The following ASPHD2 variants were observed in gnomAD, a reference collection of about 807,000 sequenced individuals.
ASPHD2 encodes aspartate beta-hydroxylase domain containing 2.
A neutral mutation model predicts 34.6 loss-of-function variants in ASPHD2; 12 were observed. The observed-to-expected ratio is 0.35, with a 90% CI of 0.22 to 0.56. The LOEUF (loss-of-function observed/expected upper bound fraction) is 0.56. ASPHD2 is among the 20% of genes least tolerant of loss of function. The probability of loss-of-function intolerance (pLI) is 0.87; values close to 1 mark genes in which losing one functional copy is unlikely to be tolerated. For missense variants in ASPHD2, 375 were observed against 505.0 expected, an observed-to-expected ratio of 0.74 and a Z score of 2.47; for synonymous variants, 224 against 212.2, an observed-to-expected ratio of 1.06 and a Z score of -0.48.
chr22:26,443,637 A>AT lies in ASPHD2; in HGVS notation c.*431_*432insT. The AT allele has an allele frequency of 6.6e-6, 1 of 151,714 alleles. No homozygotes were observed. Among genetic ancestry groups the AT allele is most frequent in the South Asian group, 2.1e-4 (1 of 4,800 alleles). 9.4% of individuals were successfully genotyped at this position (151,714 alleles called of 1,614,324 possible). ...GTCATCTTAAAAAAAAAAAAAAAAA[A>AT]CTAAAAACTGCAAACCAGAGAGCTA... On this transcript the variant is annotated 3_prime_UTR_variant, in exon 4 of 4. Coordinates refer to ENST00000215906, the MANE Select transcript of ASPHD2 (RefSeq NM_020437.5).
chr22:26,442,910 C>T (rs892871542), intron 3 of ASPHD2, among the ~76,000 whole-genome samples, 187 bp from the exon 4 acceptor site: 2 of 152,094 alleles, frequency 1.3e-5, no homozygotes, highest in African/African-American at 4.8e-5. Context: ...TTTTGTCCAC[C>T]CTGCTCAGAA....
intron 2 of ASPHD2, among the ~76,000 whole-genome samples, chr22:26,437,461 AC>A (rs1031705403): frequency 6.6e-6 from 1 of 152,126 alleles, no homozygotes; most frequent in African/African-American, 2.4e-5. Context: ...TTCATATGGG[AC>A]CACAGGACAG....
At chr22:26,440,278 G>C (rs59012367) in intron 2 of ASPHD2, among the ~76,000 whole-genome samples, 1 of 151,968 alleles carries the variant, frequency 6.6e-6, no homozygotes, top group South Asian at 2.1e-4. Flanking sequence ...CCACTGGCCG[G>C]TTGAAGCATA....
At chr22:26,432,598 T>G (rs1227666813) in intron 1 of ASPHD2, among the ~76,000 whole-genome samples, 1 of 152,206 alleles carries the variant, frequency 6.6e-6, no homozygotes, top group African/African-American at 2.4e-5. Flanking sequence ...AACCCCCAGC[T>G]AGGTAAGTGG....
In ASPHD2 at chr22:26,443,409, GA is replaced by G; in HGVS notation, c.*204del. Reference sequence around the variant, plus strand: ...AAACTTTTCGGCTTGTATTTCCTTAGATTTTTTTTTTTTCCTTCCAATCATT... The same window carrying G: ...AAACTTTTCGGCTTGTATTTCCTTAGTTTTTTTTTTTTCCTTCCAATCATT... On this transcript the variant is annotated 3_prime_UTR_variant, in exon 4 of 4. Coordinates refer to ENST00000215906, the MANE Select transcript of ASPHD2 (RefSeq NM_020437.5). 1 of 527,720 alleles carries G rather than the reference GA, an allele frequency of 1.9e-6. No homozygotes were observed. Among genetic ancestry groups the G allele is most frequent in the South Asian group, 2.2e-5 (1 of 44,628 alleles). The allele number at this position is 527,720 out of a possible 1,614,324, so 32.7% of individuals were successfully genotyped here. A position where few individuals can be genotyped will look rare whatever the true frequency, so the allele number is the denominator to read the frequency against.
intron 2 of ASPHD2, among the ~76,000 whole-genome samples, chr22:26,438,634 CATATATATATACACATACAT>C (rs1385947653): frequency 3.6e-5 from 3 of 83,400 alleles, no homozygotes; most frequent in East Asian, 2.5e-4. Context: ...CATATATATA[CATATATATATACACATACAT>C]ATATATATAT....
chr22:26,429,917 C>T lies in ASPHD2; in HGVS notation c.-225+431C>T, dbSNP rs2084746494. ...TTATGAGGCGCCATAAACCTCCTTC[C>T]ACAATCTTGAGCTGATCGTCCACTT... On this transcript the variant is annotated intron_variant, in intron 1 of 3. Coordinates refer to ENST00000215906, the MANE Select transcript of ASPHD2 (RefSeq NM_020437.5). This position sits in a 1 kb window ranked among gnomAD's most constrained non-coding sequence, Gnocchi z 4.5. Among the ~76,000 whole-genome samples, 1 of 152,130 alleles carries T rather than the reference C, an allele frequency of 6.6e-6. No individual in the cohort carries two copies. Among genetic ancestry groups the T allele is most frequent in the African/African-American group, 2.4e-5 (1 of 41,434 alleles).
chr22:26,438,422 C>A (rs553932968), intron 2 of ASPHD2, among the ~76,000 whole-genome samples: 5 of 150,874 alleles, frequency 3.3e-5, no homozygotes, highest in African/African-American at 1.2e-4. Context: ...TATATATACA[C>A]ACAGATATAT....
At chr22:26,438,518 T>TAC (rs1555883295) in intron 2 of ASPHD2, among the ~76,000 whole-genome samples, 7 of 104,664 alleles carry the variant, frequency 6.7e-5, no homozygotes, top group African/African-American at 1.3e-4. Context: ...TATACATACA[T>TAC]ATATATACAT....
chr22:26,438,466 CACACATATAT>C, intron 2 of ASPHD2, among the ~76,000 whole-genome samples: 1 of 66,736 alleles, frequency 1.5e-5, no homozygotes, highest in South Asian at 7.9e-4. Flanking sequence ...TATATACACA[CACACATATAT>C]ATACATATAT....
At chr22:26,438,510 T>TACATACATAC (rs2084809543) in intron 2 of ASPHD2, among the ~76,000 whole-genome samples, 1 of 96,148 alleles carries the variant, frequency 1.0e-5, no homozygotes, top group Non-Finnish European at 2.2e-5. Flanking sequence ...TACATATATA[T>TACATACATAC]ACATACATAT....
intron 2 of ASPHD2, among the ~76,000 whole-genome samples, chr22:26,436,333 G>A (rs985822606): frequency 3.3e-5 from 5 of 152,230 alleles, no homozygotes; most frequent in African/African-American, 1.2e-4. Flanking sequence ...TGGACAGTAA[G>A]CTAATCTAAG....
intron 2 of ASPHD2, among the ~76,000 whole-genome samples, chr22:26,438,664 T>TACATACATATATATATATAC (rs2084816830): frequency 5.3e-5 from 6 of 113,730 alleles, no homozygotes; most frequent in African/African-American, 9.7e-5. Context: ...TATATATATA[T>TACATACATATATATATATAC]ACACATACAT....
Position 26,443,354 on chromosome 22 carries a change from G to T in ASPHD2, c.*148G>T. ...TATTTGGGATTTTATATCATGTCGG[G>T]TCCCTCTTTCCCTTGGTTATTGTAA... On this transcript the variant is annotated 3_prime_UTR_variant, in exon 4 of 4. Coordinates refer to ENST00000215906, the MANE Select transcript of ASPHD2 (RefSeq NM_020437.5). 1.6e-6 allele frequency: 1 copy of T among 639,350 alleles called. No homozygotes were observed. The highest frequency in any genetic ancestry group is 1.9e-5 in the South Asian group (1 of 52,256). 39.6% of individuals were successfully genotyped at this position (639,350 alleles called of 1,614,324 possible). A position where few individuals can be genotyped will look rare whatever the true frequency, so the allele number is the denominator to read the frequency against.
At position 26,442,105 on chromosome 22, in the gene ASPHD2, C is replaced by CAA. The variant is rs61233112; in HGVS notation, c.887-336_887-335dup. On this transcript the variant is annotated intron_variant, in intron 2 of 3. Transcript: ENST00000215906. ...TGGGCAACAGAGAGAGACTCCATTT[C>CAA]AAAAAAAAAAAAAAAAAAAGGGAAA... 4.8e-4 allele frequency among the ~76,000 whole-genome samples: 47 copies of CAA among 98,150 alleles called. No homozygotes were observed. The East Asian group carries it at 5.1e-3, about 11-fold the overall frequency. 64.4% of individuals were successfully genotyped at this position (98,150 alleles called of 152,430 possible). A position where few individuals can be genotyped will look rare whatever the true frequency, so the allele number is the denominator to read the frequency against.
At position 26,435,742 on chromosome 22, in the gene ASPHD2, AAAG is replaced by A. The variant is rs1235691101; in HGVS notation, c.886+1244_886+1246del. On this transcript the variant is annotated intron_variant, in intron 2 of 3. Transcript: ENST00000215906. ...AAAGAAAAGAAAAGAAAAGAAAAGA[AAAG>A]AAAAGAAAAGAAAAGAAAAATATAA... 4.0e-5 allele frequency among the ~76,000 whole-genome samples: 6 copies of A among 151,378 alleles called. No homozygotes were observed. In the South Asian group the frequency reaches 6.5e-4, roughly 16 times the overall value.
At chr22:26,430,036 C>G (rs1282903051) in intron 1 of ASPHD2, among the ~76,000 whole-genome samples, 1 of 152,212 alleles carries the variant, frequency 6.6e-6, no homozygotes, top group Non-Finnish European at 1.5e-5. Flanking sequence ...TCAGCCCTCC[C>G]CTCTTTCCCA....
rs773584115 is a variant in ASPHD2 at position 26,434,341 on chromosome 22, G to A, written c.726G>A (p.Arg242=). 11 of 1,614,176 alleles carry A rather than the reference G, an allele frequency of 6.8e-6. No homozygotes were observed. In the South Asian group the frequency reaches 1.2e-4, roughly 18 times the overall value. ...TCAATCAGGGGGTTTGTGTTCCCAG[G>A]AACTGTAGGAAGTGCCCACGGACGT... The part of the protein sequence containing the change: ...YLVNQGVCVP[R]NCRKCPRTYR... The change falls in exon 2 of 4, where the codon AGG becomes AGA. Residue 242 remains arginine, a synonymous_variant. Coordinates refer to ENST00000215906, the MANE Select transcript of ASPHD2 (RefSeq NM_020437.5).
chr22:26,438,608 CATATATATATACACACATATATATACAT>C (rs1423145984), intron 2 of ASPHD2, among the ~76,000 whole-genome samples: 10 of 128,986 alleles, frequency 7.8e-5, no homozygotes, highest in South Asian at 2.4e-4. Context: ...CACATATATA[CATATATATATACACACATATATATACAT>C]ATATATATAC....
Sources: gnomAD v4.1 joint callset for allele counts (sites outside exome capture counted in the v4.1 genomes callset) on GRCh38, gnomAD v4.1.1 for gene constraint, Gnocchi (gnomAD v3.1) non-coding constraint, MANE v1.5 for transcripts, NCBI Gene and HGNC (gene_info 2026-07-23, HGNC 2026-07-21) for gene names.